LYST: variants seen among roughly 807,000 people sequenced by gnomAD.
LYST encodes the protein lysosomal-trafficking regulator.
In LYST, 192 loss-of-function variants were observed where a neutral mutation model predicts 413.6. The ratio of observed to expected loss-of-function variants is 0.46; its 90% CI spans 0.41 to 0.52. The LOEUF (loss-of-function observed/expected upper bound fraction) is 0.52. Ranked by LOEUF, LYST falls within the 20% of genes least tolerant of loss-of-function variation. The probability of loss-of-function intolerance (pLI) is 0.00; values close to 1 mark genes in which losing one functional copy is unlikely to be tolerated. For missense variants in LYST, 3,815 were observed against 4,499.9 expected, an observed-to-expected ratio of 0.85 and a Z score of 4.35; for synonymous variants, 1,525 against 1,567.3, an observed-to-expected ratio of 0.97 and a Z score of 0.64.
At chr1:235,814,585 C>T (rs1041108649) in intron 3 of LYST, among the ~76,000 whole-genome samples, 2 of 152,120 alleles carry the variant, frequency 1.3e-5, no homozygotes, top group African/African-American at 4.8e-5. Flanking sequence ...AAAGCTGTTG[C>T]CCTTTCACTG....
intron 3 of LYST, among the ~76,000 whole-genome samples, chr1:235,822,729 C>T (rs1464268097): frequency 2.0e-5 from 3 of 152,210 alleles, no homozygotes; most frequent in Non-Finnish European, 4.4e-5. Context: ...GAGTCTATTT[C>T]CCCATCCCTT....
chr1:235,853,141 CTT>C (rs1678742902), intron 1 of LYST: 1 of 170,236 alleles, frequency 5.9e-6, no homozygotes, highest in South Asian at 2.0e-4. Flanking sequence ...TGTTTTACAG[CTT>C]TGTTATCTTT....
In LYST at chr1:235,664,601, T is replaced by C; in HGVS notation, c.11059A>G (p.Arg3687Gly). Residue 3687 changes from arginine to glycine, a missense_variant, in exon 51 of 53, where the codon AGA becomes GGA. By Grantham distance (125) the Arg-to-Gly change is moderately radical. Transcript: ENST00000389793. This position sits in a 1 kb window ranked among gnomAD's most constrained non-coding sequence, Gnocchi z 4.5. ...CDSAGGGSDL[R>G]LWTVNGDLVG... is the part of the protein sequence containing the mutation. ...AGATCCCCGTTCACCGTCCAGAGTCTGAGGTCACTGCCTCCGCCAGCTAAA... is the reference window on the plus strand; with the variant it reads ...AGATCCCCGTTCACCGTCCAGAGTCCGAGGTCACTGCCTCCGCCAGCTAAA... The C allele has an allele frequency of 6.2e-7, 1 of 1,614,200 alleles. No individual in the cohort carries two copies. Among genetic ancestry groups the C allele is most frequent in the Non-Finnish European group, 8.5e-7 (1 of 1,180,040 alleles).
chr1:235,740,397 A>T (rs1475406116), intron 31 of LYST, among the ~76,000 whole-genome samples: 1 of 152,076 alleles, frequency 6.6e-6, no homozygotes, highest in African/African-American at 2.4e-5. Flanking sequence ...GTTCCCTTAA[A>T]CCTCTTTCCA....
At chr1:235,820,438 T>C (rs1302190744) in intron 3 of LYST, among the ~76,000 whole-genome samples, 2 of 151,948 alleles carry the variant, frequency 1.3e-5, no homozygotes, top group African/African-American at 2.4e-5. Flanking sequence ...GGCACAATCA[T>C]GGCTCACTGC....
rs184413268 is a variant in LYST at position 235,707,580 on chromosome 1, G to A, written c.10143+1511C>T. ...GGAGGTTGCAGTGAGCTGAGATCAC[G>A]CCACTGCACTCCAGCCTGGGTGACA... On this transcript the variant is annotated intron_variant, in intron 44 of 52. Transcript: ENST00000389793. 6.9e-3 allele frequency among the ~76,000 whole-genome samples: 1,043 copies of A among 152,174 alleles called. 5 individuals are homozygous for A. Among genetic ancestry groups the A allele is most frequent in the Non-Finnish European group, 0.011 (739 of 67,992 alleles).
At chr1:235,741,185 A>G (rs1246561510) in intron 31 of LYST, among the ~76,000 whole-genome samples, 1 of 152,162 alleles carries the variant, frequency 6.6e-6, no homozygotes, top group African/African-American at 2.4e-5. Flanking sequence ...TCTGACAGAA[A>G]CTCTGAAACA....
At chr1:235,876,096 C>T (rs971915549) in intron 1 of LYST, among the ~76,000 whole-genome samples, 11 of 151,886 alleles carry the variant, frequency 7.2e-5, no homozygotes, top group African/African-American at 2.2e-4. Context: ...GGTGGCAGCT[C>T]CTATAGTCCC....
chr1:235,707,975 TATC>T (rs1346154063), intron 44 of LYST, among the ~76,000 whole-genome samples: 1 of 152,178 alleles, frequency 6.6e-6, no homozygotes, highest in Non-Finnish European at 1.5e-5. Flanking sequence ...TTCTTTTGAT[TATC>T]ATGTTGGCAC....
intron 42 of LYST, among the ~76,000 whole-genome samples, chr1:235,714,618 C>T (rs1248172920): frequency 6.6e-6 from 1 of 152,160 alleles, no homozygotes; most frequent in African/African-American, 2.4e-5. Flanking sequence ...TCATTAGAAA[C>T]TACAGGTGAG....
chr1:235,857,432 T>A (rs1283334648), intron 1 of LYST, among the ~76,000 whole-genome samples: 1 of 152,152 alleles, frequency 6.6e-6, no homozygotes, highest in Non-Finnish European at 1.5e-5. Context: ...AAGAAAGTTC[T>A]AGATTCATCT....
intron 25 of LYST, among the ~76,000 whole-genome samples, chr1:235,754,807 C>T (rs1666849932): frequency 6.6e-6 from 1 of 151,946 alleles, no homozygotes; most frequent in Non-Finnish European, 1.5e-5. Context: ...GGTGTGGTGG[C>T]CCACACCTAT....
At chr1:235,769,805 C>T (rs1195070083) in intron 20 of LYST, among the ~76,000 whole-genome samples, 2 of 152,170 alleles carry the variant, frequency 1.3e-5, no homozygotes, top group South Asian at 2.1e-4. Flanking sequence ...TAAAGCAATA[C>T]ATATTTGTAA....
intron 7 of LYST, among the ~76,000 whole-genome samples, chr1:235,803,578 T>G (rs1558269284): frequency 2.0e-5 from 3 of 152,138 alleles, no homozygotes; most frequent in Non-Finnish European, 4.4e-5. Flanking sequence ...AGTCAAGAGT[T>G]CCAGTACTAA....
At chr1:235,831,409 C>T (rs774219345) in intron 2 of LYST, among the ~76,000 whole-genome samples, 8 of 152,122 alleles carry the variant, frequency 5.3e-5, no homozygotes, top group Admixed American at 1.3e-4. Context: ...CTTTCTCTCT[C>T]GGGAATTTAA....
chr1:235,766,492 T>C (rs756491810), intron 20 of LYST, among the ~76,000 whole-genome samples: 22 of 152,170 alleles, frequency 1.4e-4, no homozygotes, highest in Admixed American at 2.6e-4. Flanking sequence ...AGATGGCAAC[T>C]TAATTCTAGC....
At chr1:235,691,587 CAGG>C (rs773884068) in intron 47 of LYST, among the ~76,000 whole-genome samples, 15 of 151,872 alleles carry the variant, frequency 9.9e-5, no homozygotes, top group Non-Finnish European at 2.1e-4. Flanking sequence ...TGATGTTGAG[CAGG>C]AGATTTTGAT....
intron 1 of LYST, among the ~76,000 whole-genome samples, chr1:235,850,331 G>A (rs1678379920): frequency 6.6e-6 from 1 of 152,102 alleles, no homozygotes; most frequent in South Asian, 2.1e-4. Flanking sequence ...GCATGTAGGA[G>A]AATGAAACTG....
At chr1:235,833,694 C>T (rs1044784856) in intron 1 of LYST, 27 bp from the exon 2 acceptor site, 38 of 464,990 alleles carry the variant, frequency 8.2e-5, no homozygotes, top group African/African-American at 7.8e-4. Flanking sequence ...ATATTAATCA[C>T]AATAGTAAAC....
Sources: gnomAD v4.1 joint callset for allele counts (sites outside exome capture counted in the v4.1 genomes callset) on GRCh38, gnomAD v4.1.1 for gene constraint, Gnocchi (gnomAD v3.1) non-coding constraint, MANE v1.5 for transcripts, NCBI Gene and HGNC (gene_info 2026-07-23, HGNC 2026-07-21) for gene names.